The following PREX2 variants were observed in gnomAD, a reference collection of about 807,000 sequenced individuals.
PREX2 encodes phosphatidylinositol 3,4,5-trisphosphate-dependent Rac exchanger 2 protein.
Under a neutral mutation model 203.2 loss-of-function variants are expected in PREX2, and 107 were observed. That is an observed-to-expected ratio of 0.53 (90% confidence interval 0.45 to 0.62). PREX2 has a LOEUF of 0.62. Among genes scored for constraint, PREX2 ranks in the 20% least tolerant of loss-of-function variants. PREX2 has a pLI of 0.00. For synonymous variants in PREX2, 672 were observed against 663.6 expected (o/e 1.01, Z -0.19); for missense variants, 1,777 against 1,955.9 (o/e 0.91, Z 1.72).
intron 37 of PREX2, among the ~76,000 whole-genome samples, chr8:68,207,900 G>A (rs554158018): frequency 6.6e-6 from 1 of 152,112 alleles, no homozygotes; most frequent in Non-Finnish European, 1.5e-5. Flanking sequence ...CAGGGCATAT[G>A]AGATCATACA....
intron 35 of PREX2, among the ~76,000 whole-genome samples, chr8:68,181,834 C>T (rs762507499): frequency 1.1e-4 from 16 of 151,996 alleles, no homozygotes; most frequent in Non-Finnish European, 1.9e-4. Context: ...GTACCTGGTG[C>T]TGTGTGTTGG....
At chr8:68,139,469 T>C (rs1041855254) in intron 33 of PREX2, among the ~76,000 whole-genome samples, 45 of 152,284 alleles carry the variant, frequency 3.0e-4, no homozygotes, top group African/African-American at 1.1e-3. Flanking sequence ...GGCCAGACTA[T>C]GAAGGGCATG....
intron 37 of PREX2, among the ~76,000 whole-genome samples, chr8:68,206,832 A>G (rs947727820): frequency 2.0e-5 from 3 of 152,184 alleles, no homozygotes; most frequent in African/African-American, 2.4e-5. Flanking sequence ...TTAGAGTCTG[A>G]TGTCTTGACA....
rs1221231367 is a variant in PREX2, at chr8:68,127,630, A to T, written c.3766+211A>T. Among the ~76,000 whole-genome samples the T allele has an allele frequency of 2.0e-5, 3 of 151,632 alleles. No individual in the cohort carries two copies. The East Asian group carries it at 5.8e-4, about 29-fold the overall frequency. On this transcript the variant is annotated intron_variant, in intron 31 of 39. Transcript: ENST00000288368. ...TATATATACATATATATATATACACACATACTTGTATTCTCTTATAAGCAA... is the reference window on the plus strand; with the variant it reads ...TATATATACATATATATATATACACTCATACTTGTATTCTCTTATAAGCAA...
At chr8:67,979,275 A>C (rs1304832365) in intron 1 of PREX2, among the ~76,000 whole-genome samples, 2 of 152,214 alleles carry the variant, frequency 1.3e-5, no homozygotes, top group East Asian at 1.9e-4. Flanking sequence ...TTGTTGAGTT[A>C]TGTCCTTAGA....
rs1476943499 is a variant in PREX2, at chr8:68,068,354, TC to T, written c.1340-678del. Among the ~76,000 whole-genome samples, 3 of 152,046 alleles carry T rather than the reference TC, an allele frequency of 2.0e-5. No individual in the cohort carries two copies. In the East Asian group the frequency reaches 5.8e-4, roughly 29 times the overall value. On this transcript the variant is annotated intron_variant, in intron 11 of 39. Coordinates refer to ENST00000288368, the MANE Select transcript of PREX2 (RefSeq NM_024870.4). ...AGTCTTTATTAATATGAAAGTCTTA[TC>T]TTGAGGATGGTAATAAAGAATGAAC...
intron 37 of PREX2, among the ~76,000 whole-genome samples, chr8:68,197,534 T>C (rs1303155182): frequency 1.3e-5 from 2 of 152,000 alleles, no homozygotes; most frequent in African/African-American, 4.8e-5. Context: ...GTCTCAGGTA[T>C]TTCCTCATAG....
At chr8:68,206,367 C>T (rs1439981970) in intron 37 of PREX2, among the ~76,000 whole-genome samples, 5 of 152,150 alleles carry the variant, frequency 3.3e-5, no homozygotes, top group Admixed American at 2.0e-4. Context: ...TCCATCTTCT[C>T]GTTGCAGAGC....
intron 20 of PREX2, among the ~76,000 whole-genome samples, 176 bp downstream of exon 20, chr8:68,090,891 G>A (rs117193551): frequency 6.6e-6 from 1 of 152,272 alleles, no homozygotes; most frequent in East Asian, 1.9e-4. Context: ...ATAATTGATT[G>A]TGTTTAAATG....
intron 7 of PREX2, among the ~76,000 whole-genome samples, chr8:68,039,202 C>T (rs56068997): frequency 0.17 from 25,401 of 152,058 alleles, 2,127 homozygotes; most frequent in Non-Finnish European, 0.19. Context: ...GCTATTCTGG[C>T]ATGAGCAGCA....
At chr8:68,223,856 G>A (rs977385648) in intron 38 of PREX2, among the ~76,000 whole-genome samples, 2 of 151,956 alleles carry the variant, frequency 1.3e-5, no homozygotes, top group African/African-American at 4.8e-5. Context: ...ATATTTTTTT[G>A]CTAAATACTA....
At chr8:68,191,217 A>G (rs1163553324) in intron 35 of PREX2, among the ~76,000 whole-genome samples, 1 of 152,200 alleles carries the variant, frequency 6.6e-6, no homozygotes, top group Non-Finnish European at 1.5e-5. Flanking sequence ...GCTGGAAAGA[A>G]TCGCCTCAGT....
rs1810644305 is a variant in PREX2, at chr8:68,115,796, A to T, written c.3190A>T (p.Thr1064Ser). The T allele has an allele frequency of 2.5e-6, 4 of 1,612,824 alleles. No homozygotes were observed. In the East Asian group the frequency reaches 8.9e-5, roughly 36 times the overall value. Residue 1064 changes from threonine (T) to serine (S), a missense_variant, in exon 26 of 40, where the codon ACA (threonine) becomes TCA (serine). Transcript: ENST00000288368. ...ATATTCTCCTAAATTAGAACGTAAG[A>T]CATCAGAGGGCATAATACCAACAGA... ...ITYSPKLERK[T>S]SEGIIPTDSD... is the part of the protein sequence containing the mutation.
intron 23 of PREX2, among the ~76,000 whole-genome samples, chr8:68,102,605 T>C (rs1246851080): frequency 6.6e-6 from 1 of 152,228 alleles, no homozygotes; most frequent in Admixed American, 6.5e-5. Context: ...TTTAAAACTA[T>C]TATTAGCAAC....
chr8:68,167,438 A>G (rs1024764154), intron 35 of PREX2, among the ~76,000 whole-genome samples: 4 of 150,520 alleles, frequency 2.7e-5, no homozygotes, highest in African/African-American at 9.8e-5. Flanking sequence ...GGTTCAAGCT[A>G]TTCTCCTGTC....
intron 23 of PREX2, chr8:68,103,446 T>G (rs1005009187): frequency 2.1e-6 from 1 of 483,578 alleles, no homozygotes; most frequent in Non-Finnish European, 4.1e-6. Context: ...ATTAAAAACC[T>G]GAAGTTGCAT....
intron 37 of PREX2, among the ~76,000 whole-genome samples, chr8:68,202,805 A>T (rs927438200): frequency 2.0e-5 from 3 of 152,122 alleles, no homozygotes; most frequent in African/African-American, 7.2e-5. Context: ...GGAGGCTGAG[A>T]AGTCCCAGGT....
At chr8:68,071,919 T>G in intron 13 of PREX2, among the ~76,000 whole-genome samples, 2 of 152,136 alleles carry the variant, frequency 1.3e-5, no homozygotes, top group East Asian at 3.8e-4. Context: ...CTCTACAGAT[T>G]TTGAGATTTT....
chr8:68,019,421 C>T, intron 2 of PREX2, 128 bp from the exon 3 acceptor site: 1 of 657,522 alleles, frequency 1.5e-6, no homozygotes, highest in Non-Finnish European at 2.4e-6. Flanking sequence ...AAAATTGAGG[C>T]TCTGTCGGCA....
Sources: gnomAD v4.1 joint callset for allele counts (sites outside exome capture counted in the v4.1 genomes callset) on GRCh38, gnomAD v4.1.1 for gene constraint, MANE v1.5 for transcripts, NCBI Gene and HGNC (gene_info 2026-07-23, HGNC 2026-07-21) for gene names.